The following STK33 variants were observed in gnomAD, a reference collection of about 807,000 sequenced individuals.
STK33 encodes serine/threonine-protein kinase 33.
A neutral mutation model predicts 58.0 loss-of-function variants in STK33; 52 were observed. That is an observed-to-expected ratio of 0.90 (90% CI 0.72 to 1.13). The LOEUF is 1.13. Among genes scored for constraint, STK33 ranks in the 50% most tolerant of loss-of-function variants. The pLI, the probability that STK33 is intolerant of heterozygous loss-of-function variation, is 0.00. For synonymous variants in STK33, 215 were observed against 200.1 expected (o/e 1.07, Z -0.63); for missense variants, 630 against 604.2 (o/e 1.04, Z -0.45).
chr11:8,515,193 G>A (rs1020228181), intron 1 of STK33, among the ~76,000 whole-genome samples: 1 of 152,020 alleles, frequency 6.6e-6, no homozygotes, highest in Non-Finnish European at 1.5e-5. Flanking sequence ...AAGAAAAAAA[G>A]AGAATACTCA....
intron 1 of STK33, among the ~76,000 whole-genome samples, chr11:8,492,053 C>A (rs1281098353): frequency 6.6e-6 from 1 of 152,088 alleles, no homozygotes; most frequent in African/African-American, 2.4e-5. Flanking sequence ...GCAAAATAAC[C>A]AGCTAACATC....
At chr11:8,339,908 C>T in the STK33 span, among the ~76,000 whole-genome samples, 53 of 152,356 alleles carry the variant, frequency 3.5e-4, no homozygotes, top group African/African-American at 1.2e-3. Flanking sequence ...CTCTCTCCAG[C>T]TCTGCCTGGC....
At chr11:8,551,684 G>A (rs148692846) in intron 1 of STK33, among the ~76,000 whole-genome samples, 45 of 152,142 alleles carry the variant, frequency 3.0e-4, no homozygotes, top group Middle Eastern at 3.4e-3. Context: ...CCCATTCTGC[G>A]CAGAACTTGT....
intron 1 of STK33, among the ~76,000 whole-genome samples, chr11:8,486,306 A>G (rs1950191552): frequency 6.6e-6 from 1 of 152,186 alleles, no homozygotes; most frequent in Non-Finnish European, 1.5e-5. Flanking sequence ...TTCAGGCTTA[A>G]CTCATACTAC....
chr11:8,397,345 C>A (rs373863975), intron 15 of STK33, among the ~76,000 whole-genome samples: 3 of 152,238 alleles, frequency 2.0e-5, no homozygotes, highest in African/African-American at 4.8e-5. Flanking sequence ...GACACCCAGG[C>A]AAACAGGGTC....
chr11:8,360,920 A>G, the STK33 span, among the ~76,000 whole-genome samples: 19 of 152,368 alleles, frequency 1.2e-4, no homozygotes, highest in Middle Eastern at 3.4e-3. Flanking sequence ...TCTCTGTATC[A>G]TAAGGTCAAC....
At chr11:8,523,632 C>T (rs1279572118) in intron 1 of STK33, among the ~76,000 whole-genome samples, 5 of 151,000 alleles carry the variant, frequency 3.3e-5, no homozygotes, top group South Asian at 2.1e-4. Context: ...GGAGCATCTC[C>T]GCCCGGCAGC....
intron 1 of STK33, among the ~76,000 whole-genome samples, chr11:8,551,060 G>A (rs1307961408): frequency 6.6e-6 from 1 of 152,130 alleles, no homozygotes; most frequent in African/African-American, 2.4e-5. Context: ...GCAAGGAAGG[G>A]CAAGTCATAT....
At chr11:8,348,295 T>C in the STK33 span, among the ~76,000 whole-genome samples, 1,342 of 152,270 alleles carry the variant, frequency 8.8e-3, 19 homozygotes, top group African/African-American at 0.03. Flanking sequence ...AGAGGCTTAA[T>C]TGACTCACAG....
At chr11:8,407,594 A>C (rs1413613367) in intron 15 of STK33, among the ~76,000 whole-genome samples, 3 of 152,120 alleles carry the variant, frequency 2.0e-5, no homozygotes, top group Non-Finnish European at 2.9e-5. Context: ...ATTTCATATA[A>C]ATTTCTCAAT....
chr11:8,451,316 A>T lies in STK33; in HGVS notation c.871+1506T>A, dbSNP rs142092078. The stretch of plus-strand genomic sequence containing the variant: ...TAGCAGCATTATTCATAATAGCCAT[A>T]AACTGGTAAAAATCCACATGTGCAT... On this transcript the variant is annotated intron_variant, in intron 11 of 15. Transcript: ENST00000687296. Among the ~76,000 whole-genome samples the T allele has an allele frequency of 7.2e-5, 11 of 152,338 alleles. 1 individual carries two copies. Among genetic ancestry groups the T allele is most frequent in the African/African-American group, 2.6e-4 (11 of 41,586 alleles).
chr11:8,526,336 G>A (rs1954019803), intron 1 of STK33, among the ~76,000 whole-genome samples: 1 of 151,728 alleles, frequency 6.6e-6, no homozygotes, highest in African/African-American at 2.4e-5. Flanking sequence ...AGGTTGCAAT[G>A]AGCCGAGATC....
At chr11:8,565,796 G>C (rs1243422587) in intron 1 of STK33, 1 of 152,138 alleles carries the variant, frequency 6.6e-6, no homozygotes, top group Non-Finnish European at 1.5e-5. Flanking sequence ...CAAATATCCT[G>C]TCTGCTTCTG....
the STK33 span, among the ~76,000 whole-genome samples, chr11:8,354,204 G>T: frequency 1.3e-5 from 2 of 152,028 alleles, no homozygotes; most frequent in African/African-American, 4.8e-5. Flanking sequence ...AACAGCTCCA[G>T]GGACGAGGTG....
intron 15 of STK33, among the ~76,000 whole-genome samples, chr11:8,398,219 G>A (rs1347721569): frequency 1.3e-5 from 2 of 152,158 alleles, no homozygotes; most frequent in South Asian, 2.1e-4. Flanking sequence ...GGGAAAGGTC[G>A]GGTTACCCAC....
chr11:8,520,504 CAGG>C (rs1369178980), intron 1 of STK33, among the ~76,000 whole-genome samples: 1 of 152,048 alleles, frequency 6.6e-6, no homozygotes, highest in Non-Finnish European at 1.5e-5. Flanking sequence ...GGCAATCAGG[CAGG>C]AGAAGGAAAT....
intron 5 of STK33, 67 bp from the exon 6 acceptor site, chr11:8,473,343 C>A: frequency 1.1e-6 from 1 of 935,420 alleles, no homozygotes; most frequent in Non-Finnish European, 1.7e-6. Context: ...GACAAAGAAT[C>A]CTAATTTAGA....
the STK33 span, among the ~76,000 whole-genome samples, chr11:8,374,110 G>A: frequency 6.6e-6 from 1 of 152,254 alleles, no homozygotes; most frequent in Non-Finnish European, 1.5e-5. Context: ...TAGACAGCCT[G>A]TGGAAGTCTA....
intron 14 of STK33, among the ~76,000 whole-genome samples, chr11:8,422,985 C>A (rs894083356): frequency 2.7e-5 from 4 of 150,236 alleles, no homozygotes; most frequent in African/African-American, 7.3e-5. Flanking sequence ...CTCAGCCGGG[C>A]ATGGGCCACC....
Sources: gnomAD v4.1 joint callset for allele counts (sites outside exome capture counted in the v4.1 genomes callset) on GRCh38, gnomAD v4.1.1 for gene constraint, MANE v1.5 for transcripts, NCBI Gene and HGNC (gene_info 2026-07-23, HGNC 2026-07-21) for gene names.